RIGI: variants seen among roughly 807,000 people sequenced by gnomAD.
The protein encoded by RIGI is RNA sensor RIG-I, also known as antiviral innate immune response receptor RIG-I.
chr9:32,478,353 A>T, the RIGI span, among the ~76,000 whole-genome samples: 1 of 150,450 alleles, frequency 6.6e-6, no homozygotes, highest in African/African-American at 2.4e-5. Context: ...CCAATTGTTA[A>T]ATTTTATTAC....
the RIGI span, among the ~76,000 whole-genome samples, chr9:32,519,454 C>G: frequency 6.6e-6 from 1 of 152,080 alleles, no homozygotes; most frequent in African/African-American, 2.4e-5. Flanking sequence ...CTCTAATGAA[C>G]TAGAGAGCTA....
At chr9:32,481,982 A>C in the RIGI span, among the ~76,000 whole-genome samples, 1 of 152,182 alleles carries the variant, frequency 6.6e-6, no homozygotes. Context: ...ACTGGTGAAA[A>C]GGTGGAAGCA....
the RIGI span, among the ~76,000 whole-genome samples, chr9:32,503,495 C>A: frequency 6.6e-6 from 1 of 152,304 alleles, no homozygotes; most frequent in South Asian, 2.1e-4. Context: ...CCCTTCTCTG[C>A]TTTCTCAGTC....
the RIGI span, among the ~76,000 whole-genome samples, chr9:32,509,144 C>G: frequency 6.6e-6 from 1 of 152,126 alleles, no homozygotes; most frequent in African/African-American, 2.4e-5. Context: ...GGAGAGGGCA[C>G]CTGGGGAAAA....
chr9:32,512,433 T>C, the RIGI span, among the ~76,000 whole-genome samples: 5 of 152,220 alleles, frequency 3.3e-5, no homozygotes, highest in African/African-American at 9.6e-5. Context: ...TCAATAAATG[T>C]AATCCATCAC....
chr9:32,502,421 G>A, the RIGI span, among the ~76,000 whole-genome samples: 1 of 152,134 alleles, frequency 6.6e-6, no homozygotes, highest in Non-Finnish European at 1.5e-5. Flanking sequence ...AACATTATAG[G>A]GAATTGTCAA....
At chr9:32,483,640 G>C in the RIGI span, among the ~76,000 whole-genome samples, 1 of 152,002 alleles carries the variant, frequency 6.6e-6, no homozygotes, top group Non-Finnish European at 1.5e-5. Flanking sequence ...TGGTTAGAGG[G>C]AGTTTGCAAA....
chr9:32,485,343 T>C, the RIGI span: 9 of 1,201,048 alleles, frequency 7.5e-6, no homozygotes, highest in East Asian at 4.6e-5. Context: ...GAAGGACAGA[T>C]TGTAGTTCAA....
At chr9:32,457,144 T>C in the RIGI span, 1 of 1,613,496 alleles carries the variant, frequency 6.2e-7, no homozygotes, top group Non-Finnish European at 8.5e-7. Context: ...TTCTGCTGGA[T>C]CAAATGGTAT....
the RIGI span, among the ~76,000 whole-genome samples, chr9:32,523,992 A>T: frequency 6.6e-6 from 1 of 151,928 alleles, no homozygotes; most frequent in East Asian, 1.9e-4. Flanking sequence ...GAGCCCTCTA[A>T]CTGCAATTTA....
the RIGI span, chr9:32,488,209 A>C: frequency 6.2e-7 from 1 of 1,612,084 alleles, no homozygotes; most frequent in East Asian, 2.2e-5. Context: ...TATACCTGGG[A>C]AATGACAGAA....
At chr9:32,512,150 C>T in the RIGI span, among the ~76,000 whole-genome samples, 1 of 152,156 alleles carries the variant, frequency 6.6e-6, no homozygotes, top group Non-Finnish European at 1.5e-5. Flanking sequence ...CAAAGAGGAG[C>T]TTATACCATT....
chr9:32,489,000 A>C, the RIGI span: 1 of 842,192 alleles, frequency 1.2e-6, no homozygotes, highest in South Asian at 2.5e-5. Flanking sequence ...ATTAATTGAT[A>C]ATTTAAATAT....
the RIGI span, among the ~76,000 whole-genome samples, chr9:32,505,044 A>G: frequency 7.0e-6 from 1 of 143,232 alleles, no homozygotes; most frequent in African/African-American, 2.5e-5. Context: ...ATAGATATAT[A>G]ATATATAATT....
chr9:32,515,537 T>C, the RIGI span, among the ~76,000 whole-genome samples: 1 of 152,178 alleles, frequency 6.6e-6, no homozygotes, highest in Non-Finnish European at 1.5e-5. Flanking sequence ...TGTAACCAAA[T>C]TGTATAGACT....
At chr9:32,462,553 CAG>C in the RIGI span, among the ~76,000 whole-genome samples, 1 of 151,876 alleles carries the variant, frequency 6.6e-6, no homozygotes, top group Admixed American at 6.6e-5. Flanking sequence ...GGATTACAGG[CAG>C]GTGCCACCAC....
chr9:32,485,582 C>G, the RIGI span: 5 of 433,018 alleles, frequency 1.2e-5, no homozygotes, highest in South Asian at 7.0e-5. Context: ...ACTGTGTCAC[C>G]CAGGCTGGAG....
chr9:32,485,102 A>G, the RIGI span: 1 of 1,144,602 alleles, frequency 8.7e-7, no homozygotes, highest in Middle Eastern at 2.0e-4. Flanking sequence ...TAAGGAGAAC[A>G]CAAAAAGACG....
chr9:32,492,300 C>A, the RIGI span: 1 of 1,419,934 alleles, frequency 7.0e-7, no homozygotes, highest in Admixed American at 2.0e-5. Flanking sequence ...CTCTGGCTAT[C>A]TGAGGGGAAA....
Sources: allele counts gnomAD v4.1 joint callset (sites outside exome capture counted in the v4.1 genomes callset), GRCh38; gene constraint gnomAD v4.1.1; transcripts MANE v1.5; gene names NCBI Gene and HGNC (gene_info 2026-07-23, HGNC 2026-07-21).